KCNJ6: variants seen among roughly 807,000 people sequenced by gnomAD.
KCNJ6 encodes the protein potassium inwardly rectifying channel subfamily J member 6.
A neutral mutation model predicts 34.2 loss-of-function variants in KCNJ6; 9 were observed. The ratio of observed to expected loss-of-function variants is 0.26; its 90% confidence interval spans 0.16 to 0.46. The LOEUF (loss-of-function observed/expected upper bound fraction) is 0.46. Among genes scored for constraint, KCNJ6 ranks in the 20% least tolerant of loss-of-function variants. The probability of loss-of-function intolerance (pLI) is 1.00; values close to 1 mark genes in which losing one functional copy is unlikely to be tolerated. For synonymous variants in KCNJ6, 196 were observed against 207.1 expected, an observed-to-expected ratio of 0.95 and a Z score of 0.46; for missense variants, 236 against 531.3, an observed-to-expected ratio of 0.44 and a Z score of 5.46.
At chr21:37,760,011 G>A (rs1016931831) in intron 2 of KCNJ6, among the ~76,000 whole-genome samples, 4 of 152,280 alleles carry the variant, frequency 2.6e-5, no homozygotes, top group Admixed American at 1.3e-4. Flanking sequence ...CAGAAGGAAC[G>A]AATGCCTCTC....
intron 2 of KCNJ6, among the ~76,000 whole-genome samples, chr21:37,760,504 T>A (rs1568838279): frequency 6.6e-6 from 1 of 152,136 alleles, no homozygotes; most frequent in Non-Finnish European, 1.5e-5. Context: ...AGGCACAGGA[T>A]CTTTCCCTCC....
rs554753957 is a variant in KCNJ6 at position 37,652,760 on chromosome 21, G to A, written c.947-27276C>T. Among the ~76,000 whole-genome samples the A allele has an allele frequency of 5.8e-4, 89 of 152,306 alleles. 2 individuals are homozygous for A. Among genetic ancestry groups the A allele is most frequent in the African/African-American group, 1.9e-3 (80 of 41,574 alleles). On this transcript the variant is annotated intron_variant, in intron 3 of 3. Transcript: ENST00000609713. ...AGAGAAGATGGGACTTAAAGCACAG[G>A]AGCTGGAATTTTCTGCAGGAAGAGG...
chr21:37,909,938 T>C (rs1386891017), intron 1 of KCNJ6, among the ~76,000 whole-genome samples: 1 of 152,218 alleles, frequency 6.6e-6, no homozygotes, highest in African/African-American at 2.4e-5. Flanking sequence ...CATTGATCAT[T>C]GACACTGATG....
intron 3 of KCNJ6, among the ~76,000 whole-genome samples, chr21:37,683,662 A>C (rs1457318759): frequency 6.6e-6 from 1 of 152,226 alleles, no homozygotes; most frequent in Non-Finnish European, 1.5e-5. Flanking sequence ...AAAGCCTGGC[A>C]GGGAGGTAGA....
chr21:37,626,180 G>GA (rs2054310131), intron 3 of KCNJ6, among the ~76,000 whole-genome samples: 2 of 150,258 alleles, frequency 1.3e-5, no homozygotes, highest in African/African-American at 4.9e-5. Flanking sequence ...GCCCAGGCTG[G>GA]AGTGCAGTGG....
intron 3 of KCNJ6, among the ~76,000 whole-genome samples, chr21:37,632,242 C>T (rs114315955): frequency 0.021 from 2,310 of 110,754 alleles, 96 homozygotes; most frequent in African/African-American, 0.057. Flanking sequence ...AAAAGATGAA[C>T]TTAAAAATTA....
chr21:37,655,294 T>C (rs546761246), intron 3 of KCNJ6, among the ~76,000 whole-genome samples: 2 of 144,082 alleles, frequency 1.4e-5, no homozygotes, highest in Admixed American at 7.0e-5. Flanking sequence ...AGTGTAACCA[T>C]GAAGAGGTAA....
At chr21:37,891,575 G>A (rs1348325790) in intron 1 of KCNJ6, among the ~76,000 whole-genome samples, 2 of 152,116 alleles carry the variant, frequency 1.3e-5, no homozygotes, top group African/African-American at 4.8e-5. Context: ...TTTAATTTGT[G>A]TAACAGGGGA....
At chr21:37,821,972 A>G (rs1232508653) in intron 2 of KCNJ6, among the ~76,000 whole-genome samples, 4 of 152,246 alleles carry the variant, frequency 2.6e-5, no homozygotes, top group Non-Finnish European at 5.9e-5. Context: ...ACATGACTGC[A>G]TATCTGAGTC....
chr21:37,661,655 T>C (rs1375065824), intron 3 of KCNJ6, among the ~76,000 whole-genome samples: 15 of 119,910 alleles, frequency 1.3e-4, no homozygotes, highest in African/African-American at 4.7e-4. Context: ...CTGGAGTCTC[T>C]CTCTGTCGCC....
chr21:37,653,752 G>A (rs1183549451), intron 3 of KCNJ6, among the ~76,000 whole-genome samples: 1 of 152,144 alleles, frequency 6.6e-6, no homozygotes, highest in Non-Finnish European at 1.5e-5. Flanking sequence ...TAATTATCTT[G>A]CCTTTCTTAT....
In KCNJ6 at chr21:37,778,825, C is replaced by T. The variant is rs1002242403; in HGVS notation, c.25+61833G>A. Among the ~76,000 whole-genome samples the T allele has an allele frequency of 1.1e-4, 17 of 151,956 alleles. 1 individual carries two copies. The highest frequency in any genetic ancestry group is 9.2e-4 in the Admixed American group (14 of 15,232). Reference sequence around the variant, plus strand: ...CCCACTTATTCTTGGAGCACCCCCTCCTTCCTTCTGCCTCTGTAAACCTGA... The same window carrying T: ...CCCACTTATTCTTGGAGCACCCCCTTCTTCCTTCTGCCTCTGTAAACCTGA... On this transcript the variant is annotated intron_variant, in intron 2 of 3. Transcript: ENST00000609713.
chr21:37,836,120 C>G (rs1255944779), intron 2 of KCNJ6, among the ~76,000 whole-genome samples: 1 of 152,068 alleles, frequency 6.6e-6, no homozygotes, highest in Non-Finnish European at 1.5e-5. Context: ...ATTTATGCAG[C>G]CAACAAACAT....
chr21:37,812,125 A>G (rs1396278304), intron 2 of KCNJ6, among the ~76,000 whole-genome samples: 3 of 152,202 alleles, frequency 2.0e-5, no homozygotes, highest in African/African-American at 7.2e-5. Flanking sequence ...TGTAAATTAG[A>G]TTATTAATTA....
At position 37,783,061 on chromosome 21, in the gene KCNJ6, C is replaced by T. The variant is rs561223951; in HGVS notation, c.25+57597G>A. 1.6e-3 allele frequency among the ~76,000 whole-genome samples: 247 copies of T among 152,246 alleles called. 1 individual carries two copies. Among genetic ancestry groups the T allele is most frequent in the African/African-American group, 5.0e-3 (209 of 41,540 alleles). On this transcript the variant is annotated intron_variant, in intron 2 of 3. Coordinates refer to ENST00000609713, the MANE Select transcript of KCNJ6 (RefSeq NM_002240.5). ...GCCCAAAAGACTGTCAAGCTCAAAT[C>T]CTTAGTTTTACAGAGGAGGAGGCTG...
intron 2 of KCNJ6, among the ~76,000 whole-genome samples, chr21:37,792,910 A>T (rs1265635693): frequency 6.6e-6 from 1 of 152,086 alleles, no homozygotes; most frequent in East Asian, 1.9e-4. Context: ...CACTACATAG[A>T]TTGGTCAAGG....
intron 2 of KCNJ6, among the ~76,000 whole-genome samples, chr21:37,800,113 G>A (rs1312419016): frequency 1.3e-5 from 2 of 152,144 alleles, no homozygotes; most frequent in Non-Finnish European, 2.9e-5. Context: ...GGAAGAAGTT[G>A]GAAATGGAGC....
At chr21:37,808,439 C>T (rs746257961) in intron 2 of KCNJ6, among the ~76,000 whole-genome samples, 7 of 152,178 alleles carry the variant, frequency 4.6e-5, no homozygotes, top group Non-Finnish European at 1.0e-4. Flanking sequence ...CGTTAGCAAA[C>T]ATCCTACCAC....
intron 1 of KCNJ6, among the ~76,000 whole-genome samples, chr21:37,893,938 T>C (rs1410799388): frequency 1.3e-5 from 2 of 152,222 alleles, no homozygotes; most frequent in Non-Finnish European, 2.9e-5. Context: ...TTCTGGCCTC[T>C]TCCTTTCTCT....
Sources: allele counts gnomAD v4.1 joint callset (sites outside exome capture counted in the v4.1 genomes callset), GRCh38; gene constraint gnomAD v4.1.1; transcripts MANE v1.5; gene names NCBI Gene and HGNC (gene_info 2026-07-23, HGNC 2026-07-21).